A1CF: variants seen among roughly 807,000 people sequenced by gnomAD.
A1CF encodes the protein APOBEC-1 stimulating protein.
A1CF carries 48 observed loss-of-function variants against 68.9 expected under a neutral mutation model. The observed-to-expected ratio is 0.70, with a 90% CI of 0.55 to 0.89. The LOEUF (loss-of-function observed/expected upper bound fraction) is 0.89. Among genes scored for constraint, A1CF ranks in the 40% least tolerant of loss-of-function variants. The pLI, the probability that A1CF is intolerant of heterozygous loss-of-function variation, is 0.00. For synonymous variants in A1CF, 272 were observed against 260.4 expected, an observed-to-expected ratio of 1.04 and a Z score of -0.43; for missense variants, 653 against 718.9, an observed-to-expected ratio of 0.91 and a Z score of 1.05.
intron 12 of A1CF, among the ~76,000 whole-genome samples, chr10:50,809,632 A>G (rs1469490734): frequency 6.6e-6 from 1 of 151,972 alleles, no homozygotes; most frequent in African/African-American, 2.4e-5. Context: ...AACAAACCAG[A>G]CTCAGAGAGA....
rs936400630 is a variant in A1CF at position 50,804,010 on chromosome 10, C to G, written c.*2719G>C. 1.8e-4 allele frequency: 27 copies of G among 152,148 alleles called. No homozygotes were observed. Among genetic ancestry groups the G allele is most frequent in the African/African-American group, 6.3e-4 (26 of 41,450 alleles). 9.4% of individuals were successfully genotyped at this position (152,148 alleles called of 1,614,324 possible). ...CTTATGGTAGCAGGACTTGCTCTAT[C>G]TACCTAACTTGGGGAAAGTAAAAAT... On this transcript the variant is annotated 3_prime_UTR_variant, in exon 13 of 13. Coordinates refer to ENST00000373997, the MANE Select transcript of A1CF (RefSeq NM_014576.4).
Position 50,831,868 on chromosome 10 carries a change from TATCACCTCAC to T in A1CF, c.605-3583_605-3574del, listed in dbSNP as rs1839262795. Among the ~76,000 whole-genome samples the T allele has an allele frequency of 3.3e-5, 5 of 152,240 alleles. No homozygotes were observed. The South Asian group carries it at 1.0e-3, about 32-fold the overall frequency. On this transcript the variant is annotated intron_variant, in intron 6 of 12. Transcript: ENST00000373997. ...AATATAAATCAAAACTAAAATGAGT[TATCACCTCAC>T]ACCTGGTAGAATGGCCATTATCAAA...
intron 1 of A1CF, among the ~76,000 whole-genome samples, chr10:50,882,749 C>T (rs1325116017): frequency 6.6e-6 from 1 of 152,136 alleles, no homozygotes; most frequent in Non-Finnish European, 1.5e-5. Context: ...TCGATCAATA[C>T]TGTCTTGTTT....
intron 1 of A1CF, among the ~76,000 whole-genome samples, chr10:50,866,661 T>C (rs1035894626): frequency 1.3e-5 from 2 of 152,198 alleles, no homozygotes; most frequent in African/African-American, 4.8e-5. Context: ...ATTATAACCC[T>C]GAGCTAGAAA....
Position 50,806,606 on chromosome 10 carries a change from T to C in A1CF, c.*123A>G, listed in dbSNP as rs371141033. 1.5e-5 allele frequency: 13 copies of C among 875,188 alleles called. No individual in the cohort carries two copies. Among genetic ancestry groups the C allele is most frequent in the Non-Finnish European group, 2.1e-5 (13 of 613,332 alleles). 54.2% of individuals were successfully genotyped at this position (875,188 alleles called of 1,614,324 possible). A position where few individuals can be genotyped will look rare whatever the true frequency, so the allele number is the denominator to read the frequency against. The stretch of plus-strand genomic sequence containing the variant: ...TAATTGGTATAAGCTATACAGTCTC[T>C]GGAAAGGCATTTCTTTAGGAAACAT... On this transcript the variant is annotated 3_prime_UTR_variant, in exon 13 of 13. Coordinates refer to ENST00000373997, the MANE Select transcript of A1CF (RefSeq NM_014576.4).
chr10:50,858,390 TA>T (rs1840585466), intron 3 of A1CF, among the ~76,000 whole-genome samples: 1 of 152,158 alleles, frequency 6.6e-6, no homozygotes, highest in African/African-American at 2.4e-5. Context: ...TTATTTTTCA[TA>T]AATTCTGCTT....
chr10:50,828,130 C>T lies in A1CF; in HGVS notation c.769+1G>A, dbSNP rs1271152931. 2 of 1,575,884 alleles carry T rather than the reference C, an allele frequency of 1.3e-6. No homozygotes were observed. The highest frequency in any genetic ancestry group is 4.5e-5 in the East Asian group (2 of 44,144). ...AAACTAATCTTGTATATATGTCCTACCTGGTTTGATATTGTTGAATTCCTT... is the reference window on the plus strand; with the variant it reads ...AAACTAATCTTGTATATATGTCCTATCTGGTTTGATATTGTTGAATTCCTT... On this transcript the variant is annotated splice_donor_variant, in intron 7 of 12. Coordinates refer to ENST00000373997, the MANE Select transcript of A1CF (RefSeq NM_014576.4). LOFTEE classifies it high-confidence loss of function.
intron 1 of A1CF, among the ~76,000 whole-genome samples, chr10:50,882,304 C>T (rs1014804053): frequency 3.9e-5 from 6 of 152,112 alleles, no homozygotes; most frequent in South Asian, 4.2e-4. Context: ...GGCATGGTGG[C>T]GTGTGCCTGT....
At position 50,804,823 on chromosome 10, in the gene A1CF, C is replaced by A. The variant is rs1837747432; in HGVS notation, c.*1906G>T. 1 of 151,972 alleles carries A rather than the reference C, an allele frequency of 6.6e-6. No individual in the cohort carries two copies. Among genetic ancestry groups the A allele is most frequent in the African/African-American group, 2.4e-5 (1 of 41,382 alleles). The allele number at this position is 151,972 out of a possible 1,614,324, so 9.4% of individuals were successfully genotyped here. ...ATAAATACAAGAATATAGCAATTCC[C>A]AAACCTAGGTGCACATTGAAATCAC... On this transcript the variant is annotated 3_prime_UTR_variant, in exon 13 of 13. Transcript: ENST00000373997.
chr10:50,828,342 C>A, intron 6 of A1CF, 47 bp from the exon 7 acceptor site: 2 of 1,406,528 alleles, frequency 1.4e-6, no homozygotes, highest in Non-Finnish European at 1.9e-6. Context: ...GGAATCAGGA[C>A]AACATCATCT....
Position 50,814,005 on chromosome 10 carries a change from C to A in A1CF, c.1175G>T (p.Gly392Val). The A allele has an allele frequency of 1.2e-6, 2 of 1,613,724 alleles. No homozygotes were observed. The highest frequency in any genetic ancestry group is 1.7e-6 in the Non-Finnish European group (2 of 1,179,820). ...AAGVRGLGGR[G>V]YLAYTGLGRG... ...ACCCAGGCCTGTGTATGCCAAATAG[C>A]CACGGCCGCCCAGTCCTCTCACTCC... Residue 392 changes from glycine to valine, a missense_variant, in exon 10 of 13, where the codon GGC becomes GTC. Transcript: ENST00000373997.
In A1CF at chr10:50,884,522, A is replaced by T. The variant is rs917829727; in HGVS notation, c.-94+1059T>A. On this transcript the variant is annotated intron_variant, in intron 1 of 12. Coordinates refer to ENST00000373997, the MANE Select transcript of A1CF (RefSeq NM_014576.4). ...GACCTGTGCTCCCATTGCATGCTCC[A>T]TAGCACACGTTATAAAGAAAATTTC... is the stretch of plus-strand genomic sequence containing the variant. Among the ~76,000 whole-genome samples, 15 of 152,228 alleles carry T rather than the reference A, an allele frequency of 9.9e-5. 1 individual carries two copies. The highest frequency in any genetic ancestry group is 9.8e-4 in the Admixed American group (15 of 15,278).
intron 10 of A1CF, among the ~76,000 whole-genome samples, chr10:50,812,793 T>G (rs1263266167): frequency 1.3e-5 from 2 of 152,242 alleles, no homozygotes; most frequent in African/African-American, 4.8e-5. Context: ...CTCCAGCACC[T>G]AGCGCACTAC....
chr10:50,880,000 TCA>T lies in A1CF; in HGVS notation c.-94+5579_-94+5580del, dbSNP rs1457518649. 2.0e-5 allele frequency among the ~76,000 whole-genome samples: 3 copies of T among 152,308 alleles called. No individual in the cohort carries two copies. The East Asian group carries it at 5.8e-4, about 29-fold the overall frequency. ...TCTATTAATTCGTCTCTCAGAATTT[TCA>T]CAGAGAATCAGGCTGAATTAGAAAT... On this transcript the variant is annotated intron_variant, in intron 1 of 12. Transcript: ENST00000373997.
chr10:50,840,294 T>A (rs956434761), intron 5 of A1CF, among the ~76,000 whole-genome samples: 1 of 151,088 alleles, frequency 6.6e-6, no homozygotes, highest in African/African-American at 2.4e-5. Flanking sequence ...TTTTTTATCA[T>A]TTGTCGGCTT....
rs1219734773 is a variant in A1CF at position 50,850,608 on chromosome 10, G to A, written c.100-6486C>T. The A allele has an allele frequency of 3.1e-6, 5 of 1,596,916 alleles. No homozygotes were observed. The African/African-American group carries it at 4.0e-5, about 13-fold the overall frequency. The stretch of plus-strand genomic sequence containing the variant: ...AAAAAGCATTTGTGTGTGTGTGTGT[G>A]TTTCTGTAAAAGAGAACGAGTAAAA... On this transcript the variant is annotated intron_variant, in intron 3 of 12. Coordinates refer to ENST00000373997, the MANE Select transcript of A1CF (RefSeq NM_014576.4).
At chr10:50,862,360 T>A (rs1840787642) in intron 2 of A1CF, among the ~76,000 whole-genome samples, 1 of 151,480 alleles carries the variant, frequency 6.6e-6, no homozygotes, top group South Asian at 2.1e-4. Context: ...AGTGAGACTC[T>A]GTTTCAAAAA....
At chr10:50,867,695 G>T (rs1841056916) in intron 1 of A1CF, among the ~76,000 whole-genome samples, 1 of 152,116 alleles carries the variant, frequency 6.6e-6, no homozygotes, top group African/African-American at 2.4e-5. Flanking sequence ...AAAAGAAATG[G>T]TCATTGTGAA....
chr10:50,812,242 G>A (rs533068690), intron 10 of A1CF, among the ~76,000 whole-genome samples: 12 of 152,308 alleles, frequency 7.9e-5, no homozygotes, highest in African/African-American at 2.9e-4. Context: ...CTGGGCGGAA[G>A]GAACACCAGC....
Sources: gnomAD v4.1 joint callset for allele counts (sites outside exome capture counted in the v4.1 genomes callset) on GRCh38, gnomAD v4.1.1 for gene constraint, MANE v1.5 for transcripts, NCBI Gene and HGNC (gene_info 2026-07-23, HGNC 2026-07-21) for gene names.